The following AGO2 variants were observed in gnomAD, a reference collection of about 807,000 sequenced individuals.
The protein encoded by AGO2 is argonaute RISC catalytic component 2, also known as protein argonaute-2.
AGO2 carries 5 observed loss-of-function variants against 102.3 expected under a neutral mutation model. The ratio of observed to expected loss-of-function variants is 0.05; its 90% CI spans 0.03 to 0.10. The LOEUF is 0.10. Among genes scored for constraint, AGO2 ranks in the 10% least tolerant of loss-of-function variants. The pLI is 1.00. For missense variants in AGO2, 541 were observed against 1,183.7 expected (o/e 0.46, Z 7.97); for synonymous variants, 449 against 473.1 (o/e 0.95, Z 0.66).
chr8:140,556,280 T>C lies in AGO2; in HGVS notation c.1033A>G (p.Asn345Asp), dbSNP rs781756651. The C allele has an allele frequency of 1.2e-6, 2 of 1,614,188 alleles. No homozygotes were observed. The highest frequency in any genetic ancestry group is 1.7e-5 in the Admixed American group (1 of 60,034). Reference protein sequence around the residue: ...KHTYLPLEVCNIVAGQRCIKK... With the variant: ...KHTYLPLEVCDIVAGQRCIKK... Reference sequence around the variant, plus strand: ...ATACATCTTTGTCCTGCCACAATGTTACAGACCTGTGAAGAGGACGTAGAG... The same window carrying C: ...ATACATCTTTGTCCTGCCACAATGTCACAGACCTGTGAAGAGGACGTAGAG... The change falls in exon 9 of 19, where the codon AAC (asparagine) becomes GAC (aspartate). Residue 345 changes from asparagine to aspartate, a missense_variant. Transcript: ENST00000220592.
chr8:140,558,973 A>G (rs1458683414), intron 6 of AGO2, among the ~76,000 whole-genome samples: 1 of 152,150 alleles, frequency 6.6e-6, no homozygotes, highest in Non-Finnish European at 1.5e-5. Context: ...GACCCCGGGT[A>G]AGTCCTAGAC....
chr8:140,594,743 A>C (rs1212224375), intron 1 of AGO2, among the ~76,000 whole-genome samples: 1 of 152,088 alleles, frequency 6.6e-6, no homozygotes, highest in Non-Finnish European at 1.5e-5. Context: ...GGGGAGGTCA[A>C]GGCTGCAGTG....
At chr8:140,569,498 C>G (rs919889238) in intron 3 of AGO2, among the ~76,000 whole-genome samples, 1 of 152,204 alleles carries the variant, frequency 6.6e-6, no homozygotes, top group Non-Finnish European at 1.5e-5. Context: ...CCATATGTTC[C>G]TAAACAGTGC....
intron 2 of AGO2, among the ~76,000 whole-genome samples, chr8:140,576,429 T>C (rs1588472235): frequency 6.6e-6 from 1 of 152,212 alleles, no homozygotes; most frequent in Admixed American, 6.5e-5. Flanking sequence ...TTTAGGAAAA[T>C]TCTTACAACT....
chr8:140,572,593 C>T (rs994842125), intron 3 of AGO2: 3 of 519,128 alleles, frequency 5.8e-6, no homozygotes, highest in Admixed American at 4.2e-5. Flanking sequence ...TCTCGATATC[C>T]GTGTCTGGAC....
chr8:140,578,255 C>T (rs977974539), intron 2 of AGO2, among the ~76,000 whole-genome samples: 3 of 152,218 alleles, frequency 2.0e-5, no homozygotes, highest in Admixed American at 6.5e-5. Flanking sequence ...CACATGACCA[C>T]GTATTTGGCA....
Position 140,535,511 on chromosome 8 carries a change from G to T in AGO2, c.2228C>A (p.Pro743His). Residue 743 changes from proline (P) to histidine (H), a missense_variant, in exon 17 of 19, where the codon CCC becomes CAC. By Grantham distance (77) the Pro-to-His change is moderately conservative. Coordinates refer to ENST00000220592, the MANE Select transcript of AGO2 (RefSeq NM_012154.5). Reference sequence around the variant, plus strand: ...ACACAGGTAGAAGTCGAACTCGGTGGGGTGGGTGATTTTCGTGTCCACAGT... The same window carrying T: ...ACACAGGTAGAAGTCGAACTCGGTGTGGTGGGTGATTTTCGTGTCCACAGT... ...GTTVDTKITHPTEFDFYLCSH... is the reference protein window; with the variant it reads ...GTTVDTKITHHTEFDFYLCSH... 6.2e-7 allele frequency: 1 copy of T among 1,614,262 alleles called. No homozygotes were observed. The highest frequency in any genetic ancestry group is 8.5e-7 in the Non-Finnish European group (1 of 1,180,038).
chr8:140,627,266 C>T (rs1452609819), intron 1 of AGO2, among the ~76,000 whole-genome samples: 9 of 152,242 alleles, frequency 5.9e-5, no homozygotes, highest in Non-Finnish European at 1.3e-4. Flanking sequence ...AACAAGAGTG[C>T]TGATGCAAAC....
chr8:140,558,431 C>A (rs1334236627), intron 7 of AGO2, 54 bp downstream of exon 7: 13 of 1,557,900 alleles, frequency 8.3e-6, no homozygotes, highest in Non-Finnish European at 9.7e-6. Flanking sequence ...GTGTGCCCGT[C>A]GGAGTGACAG....
chr8:140,614,015 CAAAAA>C (rs59000809), intron 1 of AGO2, among the ~76,000 whole-genome samples: 6 of 57,648 alleles, frequency 1.0e-4, no homozygotes, highest in African/African-American at 1.4e-4. Flanking sequence ...GACCCTGTCT[CAAAAA>C]AAAAAAAAAA....
rs2072472435 is a variant in AGO2 at position 140,524,811 on chromosome 8, G to T, written c.*7233C>A. 1 of 152,430 alleles carries T rather than the reference G, an allele frequency of 6.6e-6. No homozygotes were observed. Among genetic ancestry groups the T allele is most frequent in the African/African-American group, 2.4e-5 (1 of 41,446 alleles). 9.4% of individuals were successfully genotyped at this position (152,430 alleles called of 1,614,324 possible). A position where few individuals can be genotyped will look rare whatever the true frequency, so the allele number is the denominator to read the frequency against. ...CTACACGAGCACCCCGATCTATGAA[G>T]TCGCTTGCACTGTGCCCTGCTGGTT... On this transcript the variant is annotated 3_prime_UTR_variant, in exon 19 of 19. Coordinates refer to ENST00000220592, the MANE Select transcript of AGO2 (RefSeq NM_012154.5).
chr8:140,557,457 A>G lies in AGO2; in HGVS notation c.879-221T>C, dbSNP rs1264338395. On this transcript the variant is annotated intron_variant, in intron 7 of 18. Coordinates refer to ENST00000220592, the MANE Select transcript of AGO2 (RefSeq NM_012154.5). The surrounding 1 kb of genome is among the most constrained non-coding windows in gnomAD (Gnocchi z 5.9). ...GAGTTGGGAAACAAAAAATACCTAC[A>G]TGCATCATTACTCATAAATTATCCA... is the stretch of plus-strand genomic sequence containing the variant. 6.6e-6 allele frequency among the ~76,000 whole-genome samples: 1 copy of G among 152,174 alleles called. No individual in the cohort carries two copies. The highest frequency in any genetic ancestry group is 2.4e-5 in the African/African-American group (1 of 41,440).
At chr8:140,635,001 G>A (rs1474008275) in intron 1 of AGO2, among the ~76,000 whole-genome samples, 3 of 151,334 alleles carry the variant, frequency 2.0e-5, no homozygotes, top group Non-Finnish European at 4.4e-5. Flanking sequence ...CGAGCCGGGC[G>A]CCCCGACCCG....
intron 1 of AGO2, among the ~76,000 whole-genome samples, chr8:140,587,843 A>G (rs1270384815): frequency 6.6e-6 from 1 of 152,210 alleles, no homozygotes; most frequent in Non-Finnish European, 1.5e-5. Flanking sequence ...AAAGCCCACA[A>G]GGAGGAGACA....
At chr8:140,571,009 A>C (rs2073369604) in intron 3 of AGO2, among the ~76,000 whole-genome samples, 1 of 152,250 alleles carries the variant, frequency 6.6e-6, no homozygotes, top group Non-Finnish European at 1.5e-5. Flanking sequence ...AAGTAAAAAC[A>C]AATGCAAATT....
rs1256090857 is a variant in AGO2 at position 140,635,542 on chromosome 8, G to A, written c.-36C>T. The A allele has an allele frequency of 9.2e-6, 9 of 979,302 alleles. No individual in the cohort carries two copies. Among genetic ancestry groups the A allele is most frequent in the Non-Finnish European group, 1.1e-5 (9 of 827,306 alleles). The allele number at this position is 979,302 out of a possible 1,614,324, so 60.7% of individuals were successfully genotyped here. A position where few individuals can be genotyped will look rare whatever the true frequency, so the allele number is the denominator to read the frequency against. On this transcript the variant is annotated 5_prime_UTR_variant, in exon 1 of 19. Transcript: ENST00000220592. ...CCGAGGGGCTCCGGGGCCGAGGGGCGGCCGCGCGCGCGCCACGGGCCCCGA... is the reference window on the plus strand; with the variant it reads ...CCGAGGGGCTCCGGGGCCGAGGGGCAGCCGCGCGCGCGCCACGGGCCCCGA...
At chr8:140,533,669 T>A (rs1373267197) in intron 17 of AGO2, among the ~76,000 whole-genome samples, 1 of 151,802 alleles carries the variant, frequency 6.6e-6, no homozygotes, top group Non-Finnish European at 1.5e-5. Flanking sequence ...TAGCCATGTG[T>A]GGTTGCGTAC....
rs142173341 is a variant in AGO2 at position 140,557,357 on chromosome 8, G to A, written c.879-121C>T. 2.6e-5 allele frequency: 32 copies of A among 1,242,630 alleles called. No individual in the cohort carries two copies. Among genetic ancestry groups the A allele is most frequent in the Middle Eastern group, 2.9e-4 (1 of 3,398 alleles). 77.0% of individuals were successfully genotyped at this position (1,242,630 alleles called of 1,614,324 possible). ...AGGAGCAAACATTCAGAGCACTTCC[G>A]GGAGTGAAAACCATGTCATGTGCTT... On this transcript the variant is annotated intron_variant, in intron 7 of 18. Coordinates refer to ENST00000220592, the MANE Select transcript of AGO2 (RefSeq NM_012154.5). The surrounding 1 kb of genome is among the most constrained non-coding windows in gnomAD (Gnocchi z 5.9).
rs1326521865 is a variant in AGO2, at chr8:140,562,532, G to A, written c.439C>T (p.Leu147Phe). 1.2e-6 allele frequency: 2 copies of A among 1,614,006 alleles called. No homozygotes were observed. The highest frequency in any genetic ancestry group is 1.7e-5 in the Admixed American group (1 of 60,010). The stretch of plus-strand genomic sequence containing the variant: ...GGGACGCTGGGCAGCCGCCCTGAAA[G>A]TGCATCGTGTAACGCCTGCAAGCTC... ...CVSLQALHDA[L>F]SGRLPSVPFE... is the part of the protein sequence containing the mutation. The change falls in exon 4 of 19, where the codon CTT becomes TTT. Residue 147 changes from leucine (L) to phenylalanine (F), a missense_variant. By Grantham distance (22) the Leu-to-Phe change is conservative (BLOSUM62 0). This residue lies in a region of AGO2 where 147 missense variants were observed against 204.1 expected (regional missense o/e 0.72). Transcript: ENST00000220592.
Sources: gnomAD v4.1 joint callset for allele counts (sites outside exome capture counted in the v4.1 genomes callset) on GRCh38, gnomAD v4.1.1 for gene constraint, gnomAD v4.1.1 regional missense constraint, Gnocchi (gnomAD v3.1) non-coding constraint, MANE v1.5 for transcripts, NCBI Gene and HGNC (gene_info 2026-07-23, HGNC 2026-07-21) for gene names.